Variants in CACNA2D3 observed in about 807,000 individuals in gnomAD.
The protein encoded by CACNA2D3 is voltage-dependent calcium channel subunit alpha-2/delta-3.
Under a neutral mutation model 160.6 loss-of-function variants are expected in CACNA2D3, and 60 were observed. The observed-to-expected ratio is 0.37, with a 90% confidence interval of 0.30 to 0.46. CACNA2D3 has a LOEUF of 0.46. Among genes scored for constraint, CACNA2D3 ranks in the 20% least tolerant of loss-of-function variants. The pLI is 1.00. For missense variants in CACNA2D3, 1,205 were observed against 1,365.0 expected (o/e 0.88, Z 1.85); for synonymous variants, 558 against 492.9 (o/e 1.13, Z -1.75).
intron 35 of CACNA2D3, among the ~76,000 whole-genome samples, chr3:55,038,025 A>T (rs1703868641): frequency 6.6e-6 from 1 of 152,106 alleles, no homozygotes; most frequent in Admixed American, 6.5e-5. Flanking sequence ...TATTTTCCTA[A>T]CAACTTATTT....
chr3:54,869,328 A>G (rs1322011008), intron 17 of CACNA2D3, among the ~76,000 whole-genome samples: 1 of 152,234 alleles, frequency 6.6e-6, no homozygotes, highest in African/African-American at 2.4e-5. Context: ...CTGTTTTCCC[A>G]AATGCATTAT....
At chr3:54,972,163 T>G (rs1575415681) in intron 29 of CACNA2D3, among the ~76,000 whole-genome samples, 1 of 152,236 alleles carries the variant, frequency 6.6e-6, no homozygotes, top group Non-Finnish European at 1.5e-5. Context: ...CTGCTAACAA[T>G]GTTCTTTTAG....
chr3:54,477,849 G>C (rs1700857093), intron 4 of CACNA2D3, among the ~76,000 whole-genome samples: 1 of 152,068 alleles, frequency 6.6e-6, no homozygotes, highest in Non-Finnish European at 1.5e-5. Context: ...TTTTTCCCGT[G>C]GTGTACCCTC....
intron 17 of CACNA2D3, among the ~76,000 whole-genome samples, chr3:54,855,853 T>C (rs1055613376): frequency 6.6e-6 from 1 of 152,204 alleles, no homozygotes; most frequent in African/African-American, 2.4e-5. Context: ...GAACCACTGC[T>C]GGGTGTGGCT....
chr3:54,195,701 T>C (rs892312805), intron 2 of CACNA2D3, among the ~76,000 whole-genome samples: 1 of 152,056 alleles, frequency 6.6e-6, no homozygotes, highest in Non-Finnish European at 1.5e-5. Flanking sequence ...CAACATTTCT[T>C]TGGACTTTTG....
intron 11 of CACNA2D3, among the ~76,000 whole-genome samples, chr3:54,680,426 G>C (rs1380144356): frequency 6.6e-6 from 1 of 152,202 alleles, no homozygotes; most frequent in Non-Finnish European, 1.5e-5. Flanking sequence ...TTTTTATGTA[G>C]CTTTCAGATA....
rs552894431 is a variant in CACNA2D3, at chr3:54,984,558, C to T, written c.2557-50C>T. 25 of 1,059,710 alleles carry T rather than the reference C, an allele frequency of 2.4e-5. No homozygotes were observed. The African/African-American group carries it at 3.5e-4, about 15-fold the overall frequency. 65.6% of individuals were successfully genotyped at this position (1,059,710 alleles called of 1,614,324 possible). A position where few individuals can be genotyped will look rare whatever the true frequency, so the allele number is the denominator to read the frequency against. ...ATTCTGTTTAAAAGCAGTGTGATGG[C>T]CCGAAGTTGAAGCTGTTTTTTTGTT... On this transcript the variant is annotated intron_variant, in intron 29 of 37. Transcript: ENST00000474759.
chr3:55,064,539 C>T (rs541128457), intron 35 of CACNA2D3, among the ~76,000 whole-genome samples: 2 of 152,320 alleles, frequency 1.3e-5, no homozygotes, highest in East Asian at 1.9e-4. Context: ...TCACAGCCCT[C>T]CTCTCTCCAC....
At chr3:54,242,147 A>C (rs1410082711) in intron 2 of CACNA2D3, among the ~76,000 whole-genome samples, 1 of 152,228 alleles carries the variant, frequency 6.6e-6, no homozygotes, top group African/African-American at 2.4e-5. Context: ...CATGCTGGGC[A>C]CAGTGGCTCA....
intron 11 of CACNA2D3, among the ~76,000 whole-genome samples, chr3:54,750,725 G>T (rs985368401): frequency 6.6e-6 from 1 of 151,830 alleles, no homozygotes; most frequent in Non-Finnish European, 1.5e-5. Context: ...GCAGCTATAT[G>T]AAGGAGGGTC....
At chr3:54,736,034 T>TATAA (rs1701500594) in intron 11 of CACNA2D3, among the ~76,000 whole-genome samples, 1 of 56,584 alleles carries the variant, frequency 1.8e-5, no homozygotes, top group Non-Finnish European at 3.6e-5. Context: ...CATATATATA[T>TATAA]GTATATATAT....
chr3:54,909,439 A>G (rs1407204459), intron 27 of CACNA2D3, among the ~76,000 whole-genome samples: 1 of 151,726 alleles, frequency 6.6e-6, no homozygotes, highest in Non-Finnish European at 1.5e-5. Context: ...AATATATGTG[A>G]CTCATGCTAA....
chr3:54,451,366 C>T (rs1237619159), intron 4 of CACNA2D3, among the ~76,000 whole-genome samples: 1 of 149,670 alleles, frequency 6.7e-6, no homozygotes, highest in Non-Finnish European at 1.5e-5. Context: ...TTTCCTGCCT[C>T]AGCCTCCCAA....
chr3:54,595,077 T>C (rs773072790), intron 9 of CACNA2D3, among the ~76,000 whole-genome samples: 1 of 152,182 alleles, frequency 6.6e-6, no homozygotes, highest in Non-Finnish European at 1.5e-5. Context: ...TTTAAAAGAG[T>C]ATCACTGAAT....
At chr3:54,927,402 G>T (rs1701053152) in intron 27 of CACNA2D3, among the ~76,000 whole-genome samples, 1 of 152,096 alleles carries the variant, frequency 6.6e-6, no homozygotes, top group Non-Finnish European at 1.5e-5. Context: ...TAATCTAAAT[G>T]ACTCCTTTCA....
chr3:54,583,984 T>C (rs1702719515), intron 9 of CACNA2D3, among the ~76,000 whole-genome samples: 1 of 151,900 alleles, frequency 6.6e-6, no homozygotes, highest in Admixed American at 6.6e-5. Context: ...CAACACTTTT[T>C]CTACTCCAGC....
chr3:54,215,771 T>G (rs1701450018), intron 2 of CACNA2D3, among the ~76,000 whole-genome samples: 1 of 152,186 alleles, frequency 6.6e-6, no homozygotes, highest in Non-Finnish European at 1.5e-5. Context: ...TTTCCTCTGG[T>G]CTCAGTTGCC....
chr3:54,451,616 C>T (rs1203712092), intron 4 of CACNA2D3, among the ~76,000 whole-genome samples: 1 of 152,122 alleles, frequency 6.6e-6, no homozygotes. Flanking sequence ...TTGGTGTTCT[C>T]TCCAGAGTGT....
In CACNA2D3 at chr3:54,536,717, C is replaced by T. The variant is rs146647894; in HGVS notation, c.545-26083C>T. ...AATGCCATGTGCTGGGGGAGTGATC[C>T]TAGCCAAGAATGGGGTGAGATGAGG... On this transcript the variant is annotated intron_variant, in intron 5 of 37. Coordinates refer to ENST00000474759, the MANE Select transcript of CACNA2D3 (RefSeq NM_018398.3). Among the ~76,000 whole-genome samples the T allele has an allele frequency of 4.3e-3, 649 of 152,288 alleles. 25 individuals carry two copies. Among genetic ancestry groups the T allele is most frequent in the Admixed American group, 0.039 (598 of 15,292 alleles).
Sources: gnomAD v4.1 joint callset for allele counts (sites outside exome capture counted in the v4.1 genomes callset) on GRCh38, gnomAD v4.1.1 for gene constraint, MANE v1.5 for transcripts, NCBI Gene and HGNC (gene_info 2026-07-23, HGNC 2026-07-21) for gene names.